The following GALNT7 variants were observed in gnomAD, a reference collection of about 807,000 sequenced individuals.
GALNT7 encodes the protein polypeptide N-acetylgalactosaminyltransferase 7, also known as N-acetylgalactosaminyltransferase 7.
A neutral mutation model predicts 82.1 loss-of-function variants in GALNT7; 60 were observed. That is an observed-to-expected ratio of 0.73 (90% confidence interval 0.59 to 0.91). The LOEUF (loss-of-function observed/expected upper bound fraction) is 0.91. Among genes scored for constraint, GALNT7 ranks in the 40% least tolerant of loss-of-function variants. The probability of loss-of-function intolerance (pLI) is 0.00; values close to 1 mark genes in which losing one functional copy is unlikely to be tolerated. For missense variants in GALNT7, 660 were observed against 804.2 expected (o/e 0.82, Z 2.17); for synonymous variants, 243 against 275.1 (o/e 0.88, Z 1.15).
chr4:173,227,632 CCTT>C (rs1288825890), intron 1 of GALNT7, among the ~76,000 whole-genome samples: 7 of 152,208 alleles, frequency 4.6e-5, no homozygotes, highest in Admixed American at 6.5e-5. Context: ...CTCCTGGCCT[CCTT>C]CTTTTTTATA....
rs1329069971 is a variant in GALNT7, at chr4:173,170,478, G to C, written c.126+1517G>C. On this transcript the variant is annotated intron_variant, in intron 1 of 11. Coordinates refer to ENST00000265000, the MANE Select transcript of GALNT7 (RefSeq NM_017423.3). ...GATTAGATGTAATCTGGAAGTTTTA[G>C]TATTTGAAGTCTCTACAGCAGTGGA... 3.9e-5 allele frequency among the ~76,000 whole-genome samples: 6 copies of C among 152,172 alleles called. No individual in the cohort carries two copies. In the East Asian group the frequency reaches 1.2e-3, roughly 29 times the overall value.
chr4:173,184,743 T>A (rs1732413149), intron 1 of GALNT7, among the ~76,000 whole-genome samples: 1 of 149,326 alleles, frequency 6.7e-6, no homozygotes, highest in East Asian at 2.0e-4. Context: ...CCTGATAATG[T>A]AAAAAAAAAA....
intron 9 of GALNT7, among the ~76,000 whole-genome samples, chr4:173,314,685 C>T (rs1561201766): frequency 6.6e-6 from 1 of 152,168 alleles, no homozygotes; most frequent in Non-Finnish European, 1.5e-5. Flanking sequence ...GTAGATACTC[C>T]AACAATGCTT....
intron 2 of GALNT7, among the ~76,000 whole-genome samples, chr4:173,267,641 T>C (rs1488245541): frequency 1.3e-5 from 2 of 152,194 alleles, no homozygotes; most frequent in African/African-American, 4.8e-5. Context: ...TGCTGCATGG[T>C]ATCCGAGAGT....
intron 11 of GALNT7, among the ~76,000 whole-genome samples, chr4:173,321,297 A>T (rs551728457): frequency 6.6e-6 from 1 of 152,310 alleles, no homozygotes; most frequent in East Asian, 1.9e-4. Context: ...AACAAGAGAC[A>T]TAGATTTGGA....
At chr4:173,225,669 G>A (rs553453279) in intron 1 of GALNT7, among the ~76,000 whole-genome samples, 66 of 152,260 alleles carry the variant, frequency 4.3e-4, no homozygotes, top group African/African-American at 1.6e-3. Context: ...TTAAATATAT[G>A]TACTCTGCTT....
chr4:173,177,130 G>C (rs956986292), intron 1 of GALNT7, among the ~76,000 whole-genome samples: 6 of 152,180 alleles, frequency 3.9e-5, no homozygotes, highest in Non-Finnish European at 8.8e-5. Context: ...CACCTAGAGG[G>C]TGTGAGAAAA....
At chr4:173,313,897 G>A (rs2126868390) in intron 8 of GALNT7, 61 bp from the exon 9 acceptor site, 1 of 777,260 alleles carries the variant, frequency 1.3e-6, no homozygotes, top group East Asian at 2.9e-5. Context: ...AATATAGGCT[G>A]TTTATGATAT....
At chr4:173,234,132 C>T (rs573451160) in intron 1 of GALNT7, among the ~76,000 whole-genome samples, 3 of 152,154 alleles carry the variant, frequency 2.0e-5, no homozygotes, top group Non-Finnish European at 2.9e-5. Context: ...GTCTTGAACA[C>T]ACTGTTTTGG....
chr4:173,250,773 G>A (rs1311739004), intron 2 of GALNT7, among the ~76,000 whole-genome samples: 1 of 152,084 alleles, frequency 6.6e-6, no homozygotes, highest in African/African-American at 2.4e-5. Flanking sequence ...CCACCTTGCA[G>A]ACCTCTTCTT....
At chr4:173,203,327 G>C (rs576505329) in intron 1 of GALNT7, among the ~76,000 whole-genome samples, 1 of 152,328 alleles carries the variant, frequency 6.6e-6, no homozygotes, top group South Asian at 2.1e-4. Flanking sequence ...TCCTGACTTT[G>C]TGATCCTCCC....
At chr4:173,290,701 TAAGAC>T (rs1301597601) in intron 2 of GALNT7, among the ~76,000 whole-genome samples, 1 of 152,232 alleles carries the variant, frequency 6.6e-6, no homozygotes, top group Non-Finnish European at 1.5e-5. Context: ...TTGTAATTCT[TAAGAC>T]AAAGAATATA....
intron 1 of GALNT7, among the ~76,000 whole-genome samples, chr4:173,206,253 G>A (rs1340198313): frequency 6.6e-6 from 1 of 152,214 alleles, no homozygotes; most frequent in Non-Finnish European, 1.5e-5. Context: ...GCTTTAAGCT[G>A]TGCTGCCTGG....
At chr4:173,287,404 G>A (rs1032462371) in intron 2 of GALNT7, among the ~76,000 whole-genome samples, 1 of 152,250 alleles carries the variant, frequency 6.6e-6, no homozygotes, top group African/African-American at 2.4e-5. Flanking sequence ...AGTGAAGTTG[G>A]GGCTTGCCCC....
intron 2 of GALNT7, among the ~76,000 whole-genome samples, chr4:173,250,845 T>C (rs1222046286): frequency 6.6e-6 from 1 of 152,166 alleles, no homozygotes; most frequent in Non-Finnish European, 1.5e-5. Flanking sequence ...CTTCTGCATA[T>C]GCTCTTCCCT....
At position 173,247,870 on chromosome 4, in the gene GALNT7, T is replaced by A. The variant is rs147933797; in HGVS notation, c.127-110T>A. ...TTAATGGCCCGCTTGTATTCCAAAC[T>A]GTTTTATTGTTGCCTCAGCCTTTTT... On this transcript the variant is annotated intron_variant, in intron 1 of 11. Coordinates refer to ENST00000265000, the MANE Select transcript of GALNT7 (RefSeq NM_017423.3). 1.1e-3 allele frequency: 730 copies of A among 639,828 alleles called. 10 individuals are homozygous for A. The highest frequency in any genetic ancestry group is 8.3e-3 in the South Asian group (415 of 50,044). The allele number at this position is 639,828 out of a possible 1,614,324, so 39.6% of individuals were successfully genotyped here. A position where few individuals can be genotyped will look rare whatever the true frequency, so the allele number is the denominator to read the frequency against.
intron 9 of GALNT7, among the ~76,000 whole-genome samples, chr4:173,315,407 A>G (rs974431411): frequency 3.3e-5 from 5 of 152,188 alleles, no homozygotes; most frequent in African/African-American, 7.2e-5. Flanking sequence ...CCTACTGATC[A>G]TAGATTGTAG....
chr4:173,208,558 CA>C (rs1267909542), intron 1 of GALNT7, among the ~76,000 whole-genome samples: 1 of 152,128 alleles, frequency 6.6e-6, no homozygotes, highest in Non-Finnish European at 1.5e-5. Flanking sequence ...AGACTGAGCC[CA>C]GAGCATTTCC....
At position 173,277,129 on chromosome 4, in the gene GALNT7, T is replaced by G. The variant is rs143434200; in HGVS notation, c.588-14979T>G. Reference sequence around the variant, plus strand: ...TAATAAACTAAAATTTACAAAAATATCAAGTGTAGCGTTTAGACATGGATT... The same window carrying G: ...TAATAAACTAAAATTTACAAAAATAGCAAGTGTAGCGTTTAGACATGGATT... On this transcript the variant is annotated intron_variant, in intron 2 of 11. Coordinates refer to ENST00000265000, the MANE Select transcript of GALNT7 (RefSeq NM_017423.3). Among the ~76,000 whole-genome samples the G allele has an allele frequency of 2.3e-3, 357 of 152,318 alleles. 6 individuals carry two copies. Among genetic ancestry groups the G allele is most frequent in the African/African-American group, 8.3e-3 (346 of 41,570 alleles).
Sources: allele counts gnomAD v4.1 joint callset (sites outside exome capture counted in the v4.1 genomes callset), GRCh38; gene constraint gnomAD v4.1.1; transcripts MANE v1.5; gene names NCBI Gene and HGNC (gene_info 2026-07-23, HGNC 2026-07-21).